The following CTNNA2 variants were observed in gnomAD, a reference collection of about 807,000 sequenced individuals.
CTNNA2 encodes catenin alpha-2.
Under a neutral mutation model 101.0 loss-of-function variants are expected in CTNNA2, and 42 were observed. The observed-to-expected ratio is 0.42, with a 90% CI of 0.32 to 0.54. The LOEUF (loss-of-function observed/expected upper bound fraction) is 0.54. Ranked by LOEUF, CTNNA2 falls within the 20% of genes least tolerant of loss-of-function variation. The probability of loss-of-function intolerance (pLI) is 0.14; values close to 1 mark genes in which losing one functional copy is unlikely to be tolerated. For missense variants in CTNNA2, 871 were observed against 1,223.1 expected, an observed-to-expected ratio of 0.71 and a Z score of 4.29; for synonymous variants, 450 against 456.4, an observed-to-expected ratio of 0.99 and a Z score of 0.18.
intron 9 of CTNNA2, among the ~76,000 whole-genome samples, chr2:80,459,855 G>C (rs565352469): frequency 6.6e-6 from 1 of 152,260 alleles, no homozygotes; most frequent in South Asian, 2.1e-4. Context: ...GTCTTTGTAG[G>C]CTTGGTGTAA....
chr2:80,375,113 AATT>A (rs1475000403), intron 7 of CTNNA2, among the ~76,000 whole-genome samples: 1 of 152,168 alleles, frequency 6.6e-6, no homozygotes, highest in African/African-American at 2.4e-5. Context: ...AAGAAAACAA[AATT>A]ATGATACTCA....
chr2:80,053,903 C>T (rs968678036), intron 7 of CTNNA2, among the ~76,000 whole-genome samples: 1 of 152,124 alleles, frequency 6.6e-6, no homozygotes, highest in African/African-American at 2.4e-5. Context: ...TTCATACGTA[C>T]GTTTTAAATC....
chr2:79,722,655 A>G (rs927390816), intron 2 of CTNNA2, among the ~76,000 whole-genome samples: 7 of 152,006 alleles, frequency 4.6e-5, no homozygotes, highest in Non-Finnish European at 5.9e-5. Flanking sequence ...TGTGTAACTT[A>G]TTTATTACAG....
intron 2 of CTNNA2, among the ~76,000 whole-genome samples, chr2:79,239,299 GAA>G (rs1674593977): frequency 1.3e-5 from 2 of 152,120 alleles, no homozygotes; most frequent in African/African-American, 4.8e-5. Context: ...AGAGATCTCA[GAA>G]ATAAGACCAC....
chr2:80,214,024 C>G (rs552558806), intron 7 of CTNNA2, among the ~76,000 whole-genome samples: 65 of 152,210 alleles, frequency 4.3e-4, no homozygotes, highest in Admixed American at 1.3e-4. Context: ...TTATCAGAGA[C>G]TAGGATTGCA....
intron 7 of CTNNA2, among the ~76,000 whole-genome samples, chr2:80,280,711 T>G (rs907376841): frequency 6.6e-6 from 1 of 152,098 alleles, no homozygotes; most frequent in Non-Finnish European, 1.5e-5. Flanking sequence ...ACGCATAAGT[T>G]TTAAATTGTA....
At chr2:79,773,266 G>C (rs1226715461) in intron 3 of CTNNA2, among the ~76,000 whole-genome samples, 1 of 152,184 alleles carries the variant, frequency 6.6e-6, no homozygotes. Flanking sequence ...GACGAGGTAA[G>C]TCTCAATGAT....
intron 3 of CTNNA2, among the ~76,000 whole-genome samples, chr2:79,798,337 A>G (rs1175867596): frequency 6.6e-6 from 1 of 152,190 alleles, no homozygotes; most frequent in Non-Finnish European, 1.5e-5. Flanking sequence ...TAAGAACACA[A>G]TGTGAGTCTC....
chr2:79,610,039 C>G lies in CTNNA2; in HGVS notation c.-5-41513C>G, dbSNP rs1375588749. On this transcript the variant is annotated intron_variant, in intron 1 of 18. Transcript: ENST00000402739. ...TGCAAAGTATATATCTGATAAAGAA[C>G]TTATGTCCAGAATGTATAAGGAACT... Among the ~76,000 whole-genome samples, 3 of 151,948 alleles carry G rather than the reference C, an allele frequency of 2.0e-5. No individual in the cohort carries two copies. The East Asian group carries it at 5.8e-4, about 29-fold the overall frequency.
intron 7 of CTNNA2, among the ~76,000 whole-genome samples, chr2:80,364,107 A>T (rs1486145931): frequency 6.6e-6 from 1 of 152,150 alleles, no homozygotes; most frequent in Non-Finnish European, 1.5e-5. Context: ...AGTTGAATAC[A>T]GTAAGTGGGT....
Position 79,869,834 on chromosome 2 carries a change from G to A in CTNNA2, c.484G>A (p.Ala162Thr). Residue 162 changes from alanine (A) to threonine (T), a missense_variant, in exon 5 of 19, where the codon GCT becomes ACT. Physicochemically the swap from Ala to Thr is moderately conservative, Grantham distance 58. Coordinates refer to ENST00000402739, the MANE Select transcript of CTNNA2 (RefSeq NM_001282597.3). The part of the protein sequence containing the change: ...HLKIVEEALE[A>T]VKNATNEQDL... ...ACTGCAGGTGGAAGAGGCCCTGGAA[G>A]CTGTCAAAAATGCTACAAATGAGCA... The A allele has an allele frequency of 6.2e-7, 1 of 1,613,990 alleles. No individual in the cohort carries two copies. Among genetic ancestry groups the A allele is most frequent in the Non-Finnish European group, 8.5e-7 (1 of 1,179,980 alleles).
intron 4 of CTNNA2, among the ~76,000 whole-genome samples, chr2:79,861,664 A>G (rs571492219): frequency 7.3e-4 from 111 of 152,324 alleles, no homozygotes; most frequent in African/African-American, 2.6e-3. Context: ...GTGGTACTTT[A>G]ATATTGAGTT....
At chr2:80,425,165 T>C (rs1680884009) in intron 9 of CTNNA2, among the ~76,000 whole-genome samples, 1 of 152,216 alleles carries the variant, frequency 6.6e-6, no homozygotes, top group Non-Finnish European at 1.5e-5. Context: ...TTTTGACATC[T>C]TTGGCAGCTC....
chr2:80,376,477 A>AC (rs1397405456), intron 7 of CTNNA2, among the ~76,000 whole-genome samples: 2 of 152,112 alleles, frequency 1.3e-5, no homozygotes, highest in African/African-American at 4.8e-5. Flanking sequence ...AAAAAAAAAA[A>AC]AAAACGGTAA....
intron 3 of CTNNA2, among the ~76,000 whole-genome samples, chr2:79,788,331 C>T (rs373501261): frequency 6.6e-6 from 1 of 152,090 alleles, no homozygotes; most frequent in South Asian, 2.1e-4. Context: ...AGAGACATTC[C>T]AGAGAGGATC....
intron 9 of CTNNA2, among the ~76,000 whole-genome samples, chr2:80,526,904 GGA>G (rs1690088085): frequency 6.6e-6 from 1 of 152,120 alleles, no homozygotes. Context: ...CAAGAACTAT[GGA>G]GTTTTAAAAA....
chr2:79,950,593 A>G (rs893548288), intron 7 of CTNNA2, among the ~76,000 whole-genome samples: 24 of 152,314 alleles, frequency 1.6e-4, no homozygotes, highest in African/African-American at 5.8e-4. Context: ...TGATTTGCTA[A>G]CATATTATAC....
Position 79,651,548 on chromosome 2 carries a change from A to T in CTNNA2, c.-5-4A>T. 6.2e-7 allele frequency: 1 copy of T among 1,612,188 alleles called. No individual in the cohort carries two copies. Among genetic ancestry groups the T allele is most frequent in the Non-Finnish European group, 8.5e-7 (1 of 1,178,410 alleles). The stretch of plus-strand genomic sequence containing the variant: ...TTTCTAACTGATTACATGTGTTCCC[A>T]TAGGGAGCATGACTTCGGCAACTTC... On this transcript the variant is annotated splice_polypyrimidine_tract_variant and splice_region_variant and intron_variant, in intron 1 of 18. Transcript: ENST00000402739.
At chr2:79,514,302 T>C (rs1671689273) in intron 1 of CTNNA2, among the ~76,000 whole-genome samples, 1 of 152,326 alleles carries the variant, frequency 6.6e-6, no homozygotes, top group Non-Finnish European at 1.5e-5. Flanking sequence ...CTTGTAAATA[T>C]ACCATTTAGA....
Sources: gnomAD v4.1 joint callset for allele counts (sites outside exome capture counted in the v4.1 genomes callset) on GRCh38, gnomAD v4.1.1 for gene constraint, MANE v1.5 for transcripts, NCBI Gene and HGNC (gene_info 2026-07-23, HGNC 2026-07-21) for gene names.